UNC93A: variants seen among roughly 807,000 people sequenced by gnomAD.
UNC93A encodes N-acetylglucosamine transporter UNC93A.
Under a neutral mutation model 47.5 loss-of-function variants are expected in UNC93A, and 43 were observed. That is an observed-to-expected ratio of 0.91 (90% confidence interval 0.71 to 1.17). The LOEUF (loss-of-function observed/expected upper bound fraction) is 1.17, where lower values mean the gene tolerates loss of function less well. Among genes scored for constraint, UNC93A ranks in the 50% most tolerant of loss-of-function variants. The pLI is 0.00. For missense variants in UNC93A, 605 were observed against 577.6 expected (o/e 1.05, Z -0.49); for synonymous variants, 280 against 258.0 (o/e 1.09, Z -0.82).
chr6:167,276,609 C>T (rs1308297020), intron 1 of UNC93A, among the ~76,000 whole-genome samples: 1 of 152,152 alleles, frequency 6.6e-6, no homozygotes, highest in Non-Finnish European at 1.5e-5. Flanking sequence ...CCTGCCACAT[C>T]CAGGAGACTT....
chr6:167,287,975 C>T (rs1489931783), upstream of UNC93A, among the ~76,000 whole-genome samples: 2 of 152,156 alleles, frequency 1.3e-5, no homozygotes, highest in African/African-American at 4.8e-5. Context: ...GTTCAGGGAC[C>T]CTGCAGGCCC....
chr6:167,296,812 G>T (rs1200233729), intron 3 of UNC93A, among the ~76,000 whole-genome samples: 3 of 152,154 alleles, frequency 2.0e-5, no homozygotes, highest in African/African-American at 7.2e-5. Context: ...CCACGTTGAG[G>T]CTTTAAGCAC....
intron 1 of UNC93A, among the ~76,000 whole-genome samples, chr6:167,278,096 C>T (rs1783573442): frequency 1.3e-5 from 2 of 152,182 alleles, no homozygotes; most frequent in African/African-American, 4.8e-5. Flanking sequence ...ATGTCTTCCT[C>T]AGAGCCCAGA....
intron 4 of UNC93A, among the ~76,000 whole-genome samples, chr6:167,301,477 C>T (rs538747407): frequency 2.6e-5 from 4 of 152,302 alleles, no homozygotes; most frequent in Non-Finnish European, 4.4e-5. Flanking sequence ...AACACCCTCT[C>T]CCTGGGTAAC....
chr6:167,284,722 C>A (rs1783692068), intron 1 of UNC93A, among the ~76,000 whole-genome samples: 1 of 152,284 alleles, frequency 6.6e-6, no homozygotes. Context: ...GTAGTGCCCA[C>A]ACACAGCCCA....
intron 1 of UNC93A, among the ~76,000 whole-genome samples, chr6:167,275,312 G>T (rs1783521197): frequency 6.6e-6 from 1 of 152,354 alleles, no homozygotes; most frequent in East Asian, 1.9e-4. Flanking sequence ...AGTGAGGCAG[G>T]TGGCTTCCTC....
chr6:167,269,163 G>T (rs1783413571), upstream of UNC93A, among the ~76,000 whole-genome samples: 1 of 152,334 alleles, frequency 6.6e-6, no homozygotes, highest in South Asian at 2.1e-4. Context: ...GATGAGCGTG[G>T]CTGGAGACCG....
chr6:167,314,321 A>C (rs963453391), intron 7 of UNC93A, among the ~76,000 whole-genome samples: 2 of 152,114 alleles, frequency 1.3e-5, no homozygotes, highest in African/African-American at 4.8e-5. Flanking sequence ...GCAGTCTGGA[A>C]TCCTCCTGGG....
chr6:167,278,789 T>G (rs1562340632), intron 1 of UNC93A, among the ~76,000 whole-genome samples: 1 of 152,078 alleles, frequency 6.6e-6, no homozygotes, highest in African/African-American at 2.4e-5. Context: ...GGTGGCACTG[T>G]GTGGAAGCCA....
intron 1 of UNC93A, among the ~76,000 whole-genome samples, chr6:167,293,696 G>T (rs1042692841): frequency 6.6e-6 from 1 of 152,186 alleles, no homozygotes; most frequent in African/African-American, 2.4e-5. Context: ...CCTCATTCCA[G>T]AGAGTTCTCC....
intron 1 of UNC93A, among the ~76,000 whole-genome samples, chr6:167,281,218 G>A (rs1783628329): frequency 6.6e-6 from 1 of 151,846 alleles, no homozygotes; most frequent in African/African-American, 2.4e-5. Context: ...AGGAGCCCCA[G>A]GGGGACAGCC....
chr6:167,314,483 C>T (rs1371244376), intron 7 of UNC93A, among the ~76,000 whole-genome samples: 1 of 152,180 alleles, frequency 6.6e-6, no homozygotes, highest in East Asian at 1.9e-4. Context: ...GGAGGGTTTT[C>T]CTGGGTCTCT....
At chr6:167,296,302 A>T (rs879205615) in intron 3 of UNC93A, 41 bp downstream of exon 3, 2 of 1,601,668 alleles carry the variant, frequency 1.2e-6, no homozygotes, top group African/African-American at 2.7e-5. Context: ...CAAGTGGAGC[A>T]GGGGTTTCAG....
intron 1 of UNC93A, among the ~76,000 whole-genome samples, chr6:167,293,493 A>G (rs2981961): frequency 0.49 from 73,778 of 152,074 alleles, 19,836 homozygotes; most frequent in African/African-American, 0.72. Context: ...CAGGACTGGC[A>G]TGGGCAACAC....
At position 167,272,843 on chromosome 6, in the gene UNC93A, C is replaced by G. The variant is rs191795064; in HGVS notation, c.-52+1385C>G. 3.9e-5 allele frequency among the ~76,000 whole-genome samples: 6 copies of G among 152,302 alleles called. No individual in the cohort carries two copies. The East Asian group carries it at 7.7e-4, about 20-fold the overall frequency. ...TTCAGGTAGCAGGCTTCAGAGGGAA[C>G]AGATCACAGATGTTTCTTATCAGAG... On this transcript the variant is annotated intron_variant, in intron 1 of 3. Transcript: ENST00000503433.
In UNC93A at chr6:167,298,014, A is replaced by G. The variant is rs1371993181; in HGVS notation, c.569A>G (p.Asn190Ser). The G allele has an allele frequency of 1.9e-6, 3 of 1,613,682 alleles. No individual in the cohort carries two copies. Among genetic ancestry groups the G allele is most frequent in the Non-Finnish European group, 2.5e-6 (3 of 1,179,940 alleles). Residue 190 changes from asparagine (N) to serine (S), a missense_variant, in exon 4 of 8, where the codon AAC becomes AGC. Asn to Ser is a conservative substitution (Grantham distance 46, BLOSUM62 1). Transcript: ENST00000230256. ...SDCLMATTTT[N>S]STQRPSQQLV... ...TGCCTGATGGCCACCACAACCACCA[A>G]CAGCACCCAGAGGCCCTCCCAGCAG...
At position 167,308,627 on chromosome 6, in the gene UNC93A, CT is replaced by C. The variant is rs201630139; in HGVS notation, c.1108+718del. 4.0e-3 allele frequency among the ~76,000 whole-genome samples: 609 copies of C among 151,784 alleles called. 6 individuals carry two copies. The highest frequency in any genetic ancestry group is 6.7e-3 in the Non-Finnish European group (452 of 67,948). On this transcript the variant is annotated intron_variant, in intron 7 of 7. Coordinates refer to ENST00000230256, the MANE Select transcript of UNC93A (RefSeq NM_018974.4). ...CAAGGCCTTGCTGGGGCTGGGGCCC[CT>C]AAGAAGGCGGCCTGGGGGGAGTGCA...
At chr6:167,304,340 C>T (rs1778322477) in intron 5 of UNC93A, among the ~76,000 whole-genome samples, 1 of 152,192 alleles carries the variant, frequency 6.6e-6, no homozygotes, top group African/African-American at 2.4e-5. Flanking sequence ...CTCACAGGAG[C>T]TTCCACTTCT....
At position 167,305,996 on chromosome 6, in the gene UNC93A, G is replaced by T. The variant is rs35854179; in HGVS notation, c.922G>T (p.Val308Leu). 1.9e-6 allele frequency: 3 copies of T among 1,614,030 alleles called. No homozygotes were observed. Among genetic ancestry groups the T allele is most frequent in the Non-Finnish European group, 2.5e-6 (3 of 1,180,042 alleles). ...CFSATDALCS[V>L]LYGKVSQYTG... Reference sequence around the variant, plus strand: ...CTCGGCCACTGACGCGCTGTGCTCCGTGTTGTATGGAAAGGTCTCGCAGTA... The same window carrying T: ...CTCGGCCACTGACGCGCTGTGCTCCTTGTTGTATGGAAAGGTCTCGCAGTA... The change falls in exon 6 of 8, where the codon GTG becomes TTG. Residue 308 changes from valine (V) to leucine (L), a missense_variant. By Grantham distance (32) the Val-to-Leu change is conservative. Transcript: ENST00000230256.
Sources: gnomAD v4.1 joint callset for allele counts (sites outside exome capture counted in the v4.1 genomes callset) on GRCh38, gnomAD v4.1.1 for gene constraint, MANE v1.5 for transcripts, NCBI Gene and HGNC (gene_info 2026-07-23, HGNC 2026-07-21) for gene names.